The following CACNA1A variants were observed in gnomAD, a reference collection of about 807,000 sequenced individuals.
The protein encoded by CACNA1A is voltage-dependent P/Q-type calcium channel subunit alpha-1A.
CACNA1A carries 57 observed loss-of-function variants against 262.4 expected under a neutral mutation model. That is an observed-to-expected ratio of 0.22 (90% CI 0.18 to 0.27). The LOEUF is 0.27. Ranked by LOEUF, CACNA1A falls within the 10% of genes least tolerant of loss-of-function variation. CACNA1A has a pLI of 1.00. For synonymous variants in CACNA1A, 1,431 were observed against 1,419.3 expected (o/e 1.01, Z -0.18); for missense variants, 2,526 against 3,562.8 (o/e 0.71, Z 7.41).
At chr19:13,392,958 G>A (rs1405267279) in intron 3 of CACNA1A, among the ~76,000 whole-genome samples, 2 of 152,138 alleles carry the variant, frequency 1.3e-5, no homozygotes, top group Admixed American at 1.3e-4. Flanking sequence ...ATGTTGGCCA[G>A]GGGTTTTGCC....
At position 13,250,927 on chromosome 19, in the gene CACNA1A, T is replaced by A. The variant is rs1283790056; in HGVS notation, c.4866+2064A>T. Among the ~76,000 whole-genome samples the A allele has an allele frequency of 2.7e-5, 4 of 149,296 alleles. No individual in the cohort carries two copies. In the East Asian group the frequency reaches 8.1e-4, roughly 30 times the overall value. On this transcript the variant is annotated intron_variant, in intron 30 of 46. Coordinates refer to ENST00000360228, the MANE Select transcript of CACNA1A (RefSeq NM_001127222.2). The stretch of plus-strand genomic sequence containing the variant: ...CAGGCAGATTGCTTGATGCCAGGAG[T>A]TCGAGACCAGCCTGGCCAACATGGT...
chr19:13,386,381 T>G (rs2059613806), intron 3 of CACNA1A, among the ~76,000 whole-genome samples: 1 of 152,048 alleles, frequency 6.6e-6, no homozygotes, highest in South Asian at 2.1e-4. Flanking sequence ...TGGAAAAGGA[T>G]TTTTTCCCCG....
In CACNA1A at chr19:13,212,860, C is replaced by G. The variant is rs962035067; in HGVS notation, c.5941-120G>C. The G allele has an allele frequency of 5.6e-6, 3 of 532,322 alleles. No homozygotes were observed. The highest frequency in any genetic ancestry group is 9.8e-6 in the Non-Finnish European group (3 of 304,708). The allele number at this position is 532,322 out of a possible 1,614,324, so 33.0% of individuals were successfully genotyped here. A position where few individuals can be genotyped will look rare whatever the true frequency, so the allele number is the denominator to read the frequency against. On this transcript the variant is annotated intron_variant, in intron 40 of 46. Transcript: ENST00000360228. This position sits in a 1 kb window ranked among gnomAD's most constrained non-coding sequence, Gnocchi z 5.6. ...CACACACACACACACTCTCTCAGGTCTCATCCATCTAGACCCTTCCAATTC... is the reference window on the plus strand; with the variant it reads ...CACACACACACACACTCTCTCAGGTGTCATCCATCTAGACCCTTCCAATTC...
rs559659482 is a variant in CACNA1A at position 13,250,162 on chromosome 19, C to T, written c.4866+2829G>A. On this transcript the variant is annotated intron_variant, in intron 30 of 46. Coordinates refer to ENST00000360228, the MANE Select transcript of CACNA1A (RefSeq NM_001127222.2). ...GCAACCTCCGCCTCACAGGTTCAAG[C>T]GATGCTTGGGCCTCAGCCTCACGAG... Among the ~76,000 whole-genome samples, 17 of 148,610 alleles carry T rather than the reference C, an allele frequency of 1.1e-4. No homozygotes were observed. The South Asian group carries it at 1.9e-3, about 17-fold the overall frequency.
intron 30 of CACNA1A, among the ~76,000 whole-genome samples, chr19:13,249,139 A>G (rs1004954258): frequency 6.6e-6 from 1 of 151,962 alleles, no homozygotes; most frequent in South Asian, 2.1e-4. Flanking sequence ...TAATTTTTCA[A>G]TGTTTTCTAG....
chr19:13,431,369 G>A (rs1424638438), intron 3 of CACNA1A, among the ~76,000 whole-genome samples: 2 of 152,084 alleles, frequency 1.3e-5, no homozygotes, highest in African/African-American at 4.8e-5. Flanking sequence ...CCAATAAGAT[G>A]TGCTAACAGA....
At chr19:13,288,248 T>C (rs2144896237) in intron 19 of CACNA1A, among the ~76,000 whole-genome samples, 1 of 151,790 alleles carries the variant, frequency 6.6e-6, no homozygotes, top group South Asian at 2.1e-4. Flanking sequence ...TTTTCTTTTT[T>C]TTTTTAACTG....
In CACNA1A at chr19:13,506,291, C is replaced by A; in HGVS notation, c.-67G>T. On this transcript the variant is annotated 5_prime_UTR_variant, in exon 1 of 47. Coordinates refer to ENST00000360228, the MANE Select transcript of CACNA1A (RefSeq NM_001127222.2). ...GATGCGGAAGACGCCGCCGCCGCCG[C>A]CGCCGCCGCTGATGCTGAGGCTGCC... 7.4e-7 allele frequency: 1 copy of A among 1,348,428 alleles called. No individual in the cohort carries two copies. The allele number at this position is 1,348,428 out of a possible 1,614,324, so 83.5% of individuals were successfully genotyped here. A position where few individuals can be genotyped will look rare whatever the true frequency, so the allele number is the denominator to read the frequency against.
At chr19:13,287,803 C>CT (rs34542703) in intron 19 of CACNA1A, among the ~76,000 whole-genome samples, 42,511 of 133,402 alleles carry the variant, frequency 0.32, 8,254 homozygotes, top group East Asian at 0.65. Flanking sequence ...CACCTGGCCT[C>CT]TTTTTTTTTT....
intron 38 of CACNA1A, among the ~76,000 whole-genome samples, chr19:13,218,169 C>T (rs2055088586): frequency 6.6e-6 from 1 of 150,612 alleles, no homozygotes; most frequent in Non-Finnish European, 1.5e-5. Flanking sequence ...TGGCTCACTG[C>T]AACCTCGGCC....
At chr19:13,317,731 T>C (rs546944694) in intron 10 of CACNA1A, among the ~76,000 whole-genome samples, 2 of 152,308 alleles carry the variant, frequency 1.3e-5, no homozygotes, top group South Asian at 4.1e-4. Context: ...GAGATGTGGA[T>C]GAGACTGTTT....
At chr19:13,504,699 C>A (rs1039232383) in intron 1 of CACNA1A, among the ~76,000 whole-genome samples, 12 of 152,188 alleles carry the variant, frequency 7.9e-5, no homozygotes, top group African/African-American at 2.7e-4. Flanking sequence ...TGCGGAGAAG[C>A]GGCACATCTG....
chr19:13,455,599 T>A (rs747197707), intron 1 of CACNA1A, among the ~76,000 whole-genome samples: 1 of 152,156 alleles, frequency 6.6e-6, no homozygotes, highest in African/African-American at 2.4e-5. Context: ...ATGTATACTA[T>A]GCTATACAGT....
intron 6 of CACNA1A, among the ~76,000 whole-genome samples, chr19:13,336,599 GAGAGAGAGA>G (rs765673622): frequency 0.013 from 1,524 of 121,646 alleles, 11 homozygotes; most frequent in Middle Eastern, 0.04. Context: ...GAGAGGGAGA[GAGAGAGAGA>G]GAGAGAGAGA....
chr19:13,459,212 T>G (rs527288138), intron 1 of CACNA1A, among the ~76,000 whole-genome samples: 24 of 152,222 alleles, frequency 1.6e-4, no homozygotes, highest in Admixed American at 1.4e-3. Context: ...CTTTGGAAAA[T>G]TAATTGGTTT....
chr19:13,476,939 C>T (rs1423010126), intron 1 of CACNA1A, among the ~76,000 whole-genome samples: 1 of 152,156 alleles, frequency 6.6e-6, no homozygotes, highest in Non-Finnish European at 1.5e-5. Flanking sequence ...ATATCTGAGT[C>T]AGGTCACGTC....
chr19:13,313,034 T>A (rs573662893), intron 11 of CACNA1A, among the ~76,000 whole-genome samples: 4 of 152,168 alleles, frequency 2.6e-5, no homozygotes, highest in Admixed American at 2.0e-4. Context: ...CTTTTTAAAA[T>A]TTTTATGTGG....
At chr19:13,254,427 A>G (rs1318247401) in intron 29 of CACNA1A, among the ~76,000 whole-genome samples, 3 of 150,634 alleles carry the variant, frequency 2.0e-5, no homozygotes, top group Admixed American at 6.6e-5. Flanking sequence ...CAATTGCGCT[A>G]TCTCGGCTCA....
intron 38 of CACNA1A, among the ~76,000 whole-genome samples, chr19:13,219,169 G>C (rs2055129023): frequency 1.3e-5 from 2 of 150,612 alleles, no homozygotes; most frequent in South Asian, 4.2e-4. Flanking sequence ...AGCCTTCCAA[G>C]TAGCTGGGAT....
Sources: allele counts gnomAD v4.1 joint callset (sites outside exome capture counted in the v4.1 genomes callset), GRCh38; gene constraint gnomAD v4.1.1; non-coding constraint Gnocchi (gnomAD v3.1); transcripts MANE v1.5; gene names NCBI Gene and HGNC (gene_info 2026-07-23, HGNC 2026-07-21).